Variants in EPB41 observed in about 807,000 individuals in gnomAD.
EPB41 encodes the protein protein 4.1.
EPB41 carries 65 observed loss-of-function variants against 108.0 expected under a neutral mutation model. That is an observed-to-expected ratio of 0.60 (90% CI 0.49 to 0.74). The LOEUF is 0.74. Among genes scored for constraint, EPB41 ranks in the 30% least tolerant of loss-of-function variants. The pLI is 0.00. For missense variants in EPB41, 875 were observed against 1,037.0 expected, an observed-to-expected ratio of 0.84 and a Z score of 2.15; for synonymous variants, 336 against 358.9, an observed-to-expected ratio of 0.94 and a Z score of 0.72.
At chr1:28,994,418 G>T (rs1006309576) in intron 3 of EPB41, among the ~76,000 whole-genome samples, 2 of 150,656 alleles carry the variant, frequency 1.3e-5, no homozygotes. Flanking sequence ...TGATCTGCCC[G>T]CCTCGGCCTC....
intron 1 of EPB41, among the ~76,000 whole-genome samples, chr1:28,935,917 C>CAA (rs35063100): frequency 3.3e-5 from 4 of 119,744 alleles, no homozygotes; most frequent in Non-Finnish European, 5.8e-5. Flanking sequence ...GACTCTGTTT[C>CAA]AAAAAAAAAA....
rs1014512228 is a variant in EPB41 at position 29,069,258 on chromosome 1, A to C, written c.2184+4100A>C. The C allele has an allele frequency of 7.0e-5, 86 of 1,231,718 alleles. No individual in the cohort carries two copies. In the African/African-American group the frequency reaches 1.2e-3, roughly 17 times the overall value. 76.3% of individuals were successfully genotyped at this position (1,231,718 alleles called of 1,614,324 possible). ...AAACTGATCAGAGAAGGCTAGCTCA[A>C]CTGAGAGAACTTAGAGCCAAGTTTT... On this transcript the variant is annotated intron_variant, in intron 16 of 20. Coordinates refer to ENST00000343067, the MANE Select transcript of EPB41 (RefSeq NM_001376013.1).
In EPB41 at chr1:29,083,554, A is replaced by G. The variant is rs765602644; in HGVS notation, c.2185-14253A>G. ...CTTGTCATCTTTATGTGCTGTTTAC[A>G]CATGGCTTTTGCAAAAGAAGCCATT... On this transcript the variant is annotated intron_variant, in intron 16 of 20. Transcript: ENST00000343067. Among the ~76,000 whole-genome samples, 14 of 152,300 alleles carry G rather than the reference A, an allele frequency of 9.2e-5. No homozygotes were observed. The South Asian group carries it at 1.2e-3, about 14-fold the overall frequency.
intron 1 of EPB41, among the ~76,000 whole-genome samples, chr1:28,900,077 C>T (rs912363579): frequency 2.0e-5 from 3 of 151,998 alleles, no homozygotes; most frequent in Non-Finnish European, 4.4e-5. Context: ...TTTTTGTCAT[C>T]GTTATTCTAT....
intron 7 of EPB41, among the ~76,000 whole-genome samples, chr1:29,021,477 A>G (rs2096644428): frequency 6.6e-6 from 1 of 152,202 alleles, no homozygotes; most frequent in African/African-American, 2.4e-5. Context: ...GTGTGATTAG[A>G]TGGGAAGTAC....
In EPB41 at chr1:29,053,451, T is replaced by A. The variant is rs1644851396; in HGVS notation, c.1845+139T>A. The stretch of plus-strand genomic sequence containing the variant: ...ATTCTTCATTCTTTCTAAATGAAGA[T>A]GTCTCCCATGAACCTATAAAATATT... On this transcript the variant is annotated intron_variant, in intron 12 of 20. Transcript: ENST00000343067. 5 of 923,546 alleles carry A rather than the reference T, an allele frequency of 5.4e-6. No homozygotes were observed. In the Admixed American group the frequency reaches 1.0e-4, roughly 18 times the overall value. The allele number at this position is 923,546 out of a possible 1,614,324, so 57.2% of individuals were successfully genotyped here. A position where few individuals can be genotyped will look rare whatever the true frequency, so the allele number is the denominator to read the frequency against.
Position 29,115,932 on chromosome 1 carries a change from C to T in EPB41, c.*6+129C>T, listed in dbSNP as rs1261139909. ...TGTTCACCCTGGGACTTGATAAAGG[C>T]AGACGAGAGGCTGATGTGGGAGATA... On this transcript the variant is annotated intron_variant, in intron 20 of 20. Transcript: ENST00000343067. This position sits in a 1 kb window ranked among gnomAD's most constrained non-coding sequence, Gnocchi z 4.4. The T allele has an allele frequency of 2.8e-6, 2 of 717,990 alleles. No homozygotes were observed. The highest frequency in any genetic ancestry group is 4.9e-6 in the Non-Finnish European group (2 of 405,220). The allele number at this position is 717,990 out of a possible 1,614,324, so 44.5% of individuals were successfully genotyped here.
At chr1:28,915,666 G>GT (rs1381329264) in intron 1 of EPB41, among the ~76,000 whole-genome samples, 1 of 128,052 alleles carries the variant, frequency 7.8e-6, no homozygotes, top group African/African-American at 2.9e-5. Context: ...GTGGAGACTT[G>GT]TTTTTTGGCA....
intron 1 of EPB41, among the ~76,000 whole-genome samples, chr1:28,971,981 G>A (rs6679909): frequency 3.9e-4 from 59 of 151,820 alleles, no homozygotes; most frequent in African/African-American, 1.4e-3. Flanking sequence ...CTACAGTCTC[G>A]ACCTCCGCGC....
In EPB41 at chr1:29,118,018, G is replaced by A. The variant is rs1292661660; in HGVS notation, c.*1206G>A. The A allele has an allele frequency of 2.0e-5, 3 of 152,326 alleles. No homozygotes were observed. Among genetic ancestry groups the A allele is most frequent in the African/African-American group, 7.2e-5 (3 of 41,442 alleles). 9.4% of individuals were successfully genotyped at this position (152,326 alleles called of 1,614,324 possible). Reference sequence around the variant, plus strand: ...TGTCAGGTTTTGAAGGCTTGATTTTGTGGTGGGTTTGGGGCTTAGTTTTCC... The same window carrying A: ...TGTCAGGTTTTGAAGGCTTGATTTTATGGTGGGTTTGGGGCTTAGTTTTCC... On this transcript the variant is annotated 3_prime_UTR_variant, in exon 21 of 21. Transcript: ENST00000343067.
In EPB41 at chr1:29,018,486, T is replaced by G; in HGVS notation, c.1124+44T>G. 1 of 1,441,490 alleles carries G rather than the reference T, an allele frequency of 6.9e-7. No individual in the cohort carries two copies. Among genetic ancestry groups the G allele is most frequent in the South Asian group, 1.2e-5 (1 of 85,890 alleles). The allele number at this position is 1,441,490 out of a possible 1,614,324, so 89.3% of individuals were successfully genotyped here. A position where few individuals can be genotyped will look rare whatever the true frequency, so the allele number is the denominator to read the frequency against. On this transcript the variant is annotated intron_variant, in intron 7 of 20. Coordinates refer to ENST00000343067, the MANE Select transcript of EPB41 (RefSeq NM_001376013.1). This position sits in a 1 kb window ranked among gnomAD's most constrained non-coding sequence, Gnocchi z 4.4. ...TTTGTTCGGTGTTTGTTTTGGCGATTAGTTTAAACACAACATGGTATTGGT... is the reference window on the plus strand; with the variant it reads ...TTTGTTCGGTGTTTGTTTTGGCGATGAGTTTAAACACAACATGGTATTGGT...
At chr1:29,012,508 C>A (rs919846514) in intron 5 of EPB41, among the ~76,000 whole-genome samples, 1 of 152,088 alleles carries the variant, frequency 6.6e-6, no homozygotes, top group Non-Finnish European at 1.5e-5. Context: ...CGCTTTACAC[C>A]CTGATCAGAC....
intron 15 of EPB41, among the ~76,000 whole-genome samples, chr1:29,063,706 T>C (rs1028640246): frequency 1.3e-5 from 2 of 152,238 alleles, no homozygotes; most frequent in Non-Finnish European, 2.9e-5. Context: ...TTTAGCATTA[T>C]GCTTTTCTTG....
Position 28,987,746 on chromosome 1 carries a change from G to A in EPB41, c.309G>A (p.Glu103=). 6.2e-7 allele frequency: 1 copy of A among 1,614,178 alleles called. No homozygotes were observed. The highest frequency in any genetic ancestry group is 8.5e-7 in the Non-Finnish European group (1 of 1,180,038). The stretch of plus-strand genomic sequence containing the variant: ...CCGAGGAAGAAGGCAAAGAAGTAGA[G>A]TCAGATAAAGAAAAAGGTGAAGGAG... ...QVSEEEGKEV[E]SDKEKGEGGQ... is the part of the protein sequence containing the mutation. The change falls in exon 2 of 21, where the codon GAG becomes GAA. Residue 103 remains glutamate, a synonymous_variant. Transcript: ENST00000343067.
At chr1:29,032,201 A>G (rs1363983146) in intron 8 of EPB41, among the ~76,000 whole-genome samples, 1 of 152,128 alleles carries the variant, frequency 6.6e-6, no homozygotes, top group Non-Finnish European at 1.5e-5. Flanking sequence ...TCAGTACATC[A>G]GATTAGGTAT....
At chr1:28,967,810 C>CT (rs1278947795) in intron 1 of EPB41, among the ~76,000 whole-genome samples, 4,301 of 121,146 alleles carry the variant, frequency 0.036, 110 homozygotes, top group Non-Finnish European at 0.04. Context: ...TGGGCCTTGT[C>CT]TTTTTTTTTT....
intron 1 of EPB41, among the ~76,000 whole-genome samples, chr1:28,955,108 C>G (rs1044088983): frequency 2.6e-5 from 4 of 152,136 alleles, no homozygotes; most frequent in African/African-American, 9.7e-5. Context: ...TCCATGGCCT[C>G]TACTTTCAGG....
intron 17 of EPB41, among the ~76,000 whole-genome samples, chr1:29,105,743 C>CT (rs63685960): frequency 0.51 from 46,902 of 91,380 alleles, 13,907 homozygotes; most frequent in Non-Finnish European, 0.6. Context: ...ATGTACAGAT[C>CT]TTTTTTTTTT....
At chr1:28,891,026 G>A (rs1015987615) in intron 1 of EPB41, 1 of 982,008 alleles carries the variant, frequency 1.0e-6, no homozygotes, top group Non-Finnish European at 1.2e-6. Flanking sequence ...TAGAGAGAAA[G>A]GGGCAGAGGG....
Sources: gnomAD v4.1 joint callset for allele counts (sites outside exome capture counted in the v4.1 genomes callset) on GRCh38, gnomAD v4.1.1 for gene constraint, Gnocchi (gnomAD v3.1) non-coding constraint, MANE v1.5 for transcripts, NCBI Gene and HGNC (gene_info 2026-07-23, HGNC 2026-07-21) for gene names.